The following SCOC variants were observed in gnomAD, a reference collection of about 807,000 sequenced individuals.
The protein encoded by SCOC is short coiled coil protein.
In SCOC, 7 loss-of-function variants were observed where a neutral mutation model predicts 9.9. The ratio of observed to expected loss-of-function variants is 0.71; its 90% CI spans 0.40 to 1.33. SCOC has a LOEUF of 1.33. Among genes scored for constraint, SCOC ranks in the 40% most tolerant of loss-of-function variants. The probability of loss-of-function intolerance (pLI) is 0.01; values close to 1 mark genes in which losing one functional copy is unlikely to be tolerated. For synonymous variants in SCOC, 19 were observed against 28.2 expected (o/e 0.67, Z 1.03); for missense variants, 66 against 89.7 (o/e 0.74, Z 1.07).
At chr4:140,337,831 G>A (rs6838605) in intron 1 of SCOC, among the ~76,000 whole-genome samples, 29,925 of 151,928 alleles carry the variant, frequency 0.2, 3,830 homozygotes, top group African/African-American at 0.36. Context: ...AAAAAAGTCC[G>A]GGACCAGACG....
At chr4:140,350,426 G>T (rs187514924) in intron 2 of SCOC, among the ~76,000 whole-genome samples, 2 of 152,360 alleles carry the variant, frequency 1.3e-5, no homozygotes, top group Non-Finnish European at 2.9e-5. Flanking sequence ...GTTTAGGCAG[G>T]CCAGCCCCTA....
At chr4:140,269,285 G>A (rs570390842) in intron 1 of SCOC, among the ~76,000 whole-genome samples, 142 of 152,254 alleles carry the variant, frequency 9.3e-4, no homozygotes, top group African/African-American at 3.2e-3. Flanking sequence ...GTGTTTTGAC[G>A]ACCAATAGTG....
At chr4:140,368,679 A>C (rs1727906989), upstream of SCOC, among the ~76,000 whole-genome samples, 2 of 152,232 alleles carry the variant, frequency 1.3e-5, no homozygotes, top group Non-Finnish European at 2.9e-5. Flanking sequence ...TTGGAGAGGT[A>C]AGAGCGAGGG....
intron 1 of SCOC, among the ~76,000 whole-genome samples, chr4:140,270,927 A>G (rs1336506169): frequency 2.6e-5 from 4 of 152,192 alleles, no homozygotes; most frequent in African/African-American, 7.2e-5. Flanking sequence ...TATCTTCACC[A>G]AGGGGAGGAC....
intron 1 of SCOC, among the ~76,000 whole-genome samples, chr4:140,338,293 G>A (rs1257907698): frequency 2.6e-5 from 4 of 152,072 alleles, no homozygotes; most frequent in Admixed American, 6.6e-5. Flanking sequence ...TTGATGGGAC[G>A]TATCTCAAAA....
chr4:140,315,316 A>G (rs4956334), intron 1 of SCOC, among the ~76,000 whole-genome samples: 148,374 of 152,304 alleles, frequency 0.97, 72,314 homozygotes, highest in East Asian at 1. Context: ...TTATTGTGTG[A>G]TTCTTTAGGC....
intron 2 of SCOC, among the ~76,000 whole-genome samples, chr4:140,347,242 A>C (rs1726777998): frequency 6.6e-6 from 1 of 152,152 alleles, no homozygotes; most frequent in African/African-American, 2.4e-5. Context: ...AATATATGGA[A>C]CTGTTTGGTG....
rs1728176008 is a variant in SCOC, at chr4:140,373,695, T to C, written c.-73T>C. 6.5e-7 allele frequency: 1 copy of C among 1,549,352 alleles called. No individual in the cohort carries two copies. The highest frequency in any genetic ancestry group is 2.4e-5 in the East Asian group (1 of 40,870). On this transcript the variant is annotated 5_prime_UTR_variant, in exon 1 of 4. Transcript: ENST00000608372. ...CTGAGGTGTCGGCCGGATCCCTCCT[T>C]CTCCCGGCGCCTCAAGCGGAAGGTG... is the stretch of plus-strand genomic sequence containing the variant.
chr4:140,314,739 C>T (rs753388186), intron 1 of SCOC, among the ~76,000 whole-genome samples: 2 of 152,064 alleles, frequency 1.3e-5, no homozygotes, highest in African/African-American at 4.8e-5. Context: ...GAGCAGCTAG[C>T]GAGGTGCTAA....
chr4:140,318,779 ACG>A (rs1732407548), intron 1 of SCOC, among the ~76,000 whole-genome samples: 1 of 151,488 alleles, frequency 6.6e-6, no homozygotes, highest in Non-Finnish European at 1.5e-5. Flanking sequence ...ACACATGCAC[ACG>A]TATGTTTATT....
intron 2 of SCOC, among the ~76,000 whole-genome samples, chr4:140,351,200 A>T (rs1392792861): frequency 6.6e-6 from 1 of 152,018 alleles, no homozygotes; most frequent in Non-Finnish European, 1.5e-5. Context: ...AAAAAAAAAA[A>T]AAAAGAAGAA....
chr4:140,263,849 T>C (rs1481421418), intron 1 of SCOC, among the ~76,000 whole-genome samples: 4 of 152,212 alleles, frequency 2.6e-5, no homozygotes, highest in Non-Finnish European at 5.9e-5. Flanking sequence ...TGGATTTTCA[T>C]GCTTAGAAAG....
At chr4:140,311,534 C>T (rs1042803337) in intron 1 of SCOC, among the ~76,000 whole-genome samples, 1 of 152,166 alleles carries the variant, frequency 6.6e-6, no homozygotes, top group Non-Finnish European at 1.5e-5. Flanking sequence ...GATGAGGACC[C>T]CACACCCCAT....
At chr4:140,326,392 A>C (rs1732646710) in intron 1 of SCOC, among the ~76,000 whole-genome samples, 1 of 152,238 alleles carries the variant, frequency 6.6e-6, no homozygotes, top group Non-Finnish European at 1.5e-5. Flanking sequence ...GGCAACACAG[A>C]AAAAAGTTAT....
chr4:140,278,115 T>C (rs902197045), intron 1 of SCOC, among the ~76,000 whole-genome samples: 7 of 152,194 alleles, frequency 4.6e-5, no homozygotes, highest in African/African-American at 1.4e-4. Context: ...CAAAATACTA[T>C]AGACTGGATA....
intron 1 of SCOC, among the ~76,000 whole-genome samples, chr4:140,288,389 C>T (rs935298715): frequency 1.3e-5 from 2 of 152,014 alleles, no homozygotes; most frequent in South Asian, 2.1e-4. Flanking sequence ...TATACACATG[C>T]AAACACCATG....
intron 1 of SCOC, among the ~76,000 whole-genome samples, chr4:140,375,171 A>T (rs533011092): frequency 1.3e-5 from 2 of 152,332 alleles, no homozygotes; most frequent in South Asian, 4.1e-4. Context: ...GGTCTTCAGT[A>T]AGCCATTGTC....
intron 1 of SCOC, among the ~76,000 whole-genome samples, chr4:140,322,707 C>T (rs950787178): frequency 1.3e-5 from 2 of 151,974 alleles, no homozygotes; most frequent in African/African-American, 4.8e-5. Flanking sequence ...ATGGAATTTA[C>T]AATTAAAGGA....
At chr4:140,265,844 G>A (rs1423640038) in intron 1 of SCOC, among the ~76,000 whole-genome samples, 2 of 152,208 alleles carry the variant, frequency 1.3e-5, no homozygotes, top group African/African-American at 2.4e-5. Context: ...ACTTCAAGAG[G>A]AGACCATCTT....
Sources: allele counts gnomAD v4.1 joint callset (sites outside exome capture counted in the v4.1 genomes callset), GRCh38; gene constraint gnomAD v4.1.1; transcripts MANE v1.5; gene names NCBI Gene and HGNC (gene_info 2026-07-23, HGNC 2026-07-21).